The following MSI2 variants were observed in gnomAD, a reference collection of about 807,000 sequenced individuals.
MSI2 encodes RNA-binding protein Musashi homolog 2.
Under a neutral mutation model 45.6 loss-of-function variants are expected in MSI2, and 17 were observed. That is an observed-to-expected ratio of 0.37 (90% confidence interval 0.26 to 0.56). The LOEUF (loss-of-function observed/expected upper bound fraction) is 0.56. Ranked by LOEUF, MSI2 falls within the 20% of genes least tolerant of loss-of-function variation. The pLI is 0.77. For synonymous variants in MSI2, 156 were observed against 158.2 expected, an observed-to-expected ratio of 0.99 and a Z score of 0.11; for missense variants, 293 against 444.2, an observed-to-expected ratio of 0.66 and a Z score of 3.06.
intron 10 of MSI2, among the ~76,000 whole-genome samples, chr17:57,648,493 G>C (rs967960867): frequency 1.3e-5 from 2 of 152,210 alleles, no homozygotes; most frequent in Non-Finnish European, 2.9e-5. Flanking sequence ...ACAGGCTCCA[G>C]GTCTGCGTGC....
At chr17:57,450,022 C>G (rs1286557269) in intron 6 of MSI2, 1 of 152,058 alleles carries the variant, frequency 6.6e-6, no homozygotes, top group Non-Finnish European at 1.5e-5. Context: ...GAGACTCCAT[C>G]TCAAAAAACA....
At chr17:57,261,212 G>A (rs889561196) in intron 4 of MSI2, among the ~76,000 whole-genome samples, 1 of 152,154 alleles carries the variant, frequency 6.6e-6, no homozygotes, top group Non-Finnish European at 1.5e-5. Context: ...GTTCTGAGCT[G>A]TACAGCTAGA....
intron 5 of MSI2, among the ~76,000 whole-genome samples, chr17:57,296,513 C>T (rs571644387): frequency 6.6e-6 from 1 of 152,230 alleles, no homozygotes; most frequent in African/African-American, 2.4e-5. Flanking sequence ...TCAAAGATTG[C>T]TTTCTTTGAC....
intron 6 of MSI2, among the ~76,000 whole-genome samples, chr17:57,523,237 C>T (rs1262027442): frequency 2.6e-5 from 4 of 152,106 alleles, no homozygotes; most frequent in Non-Finnish European, 4.4e-5. Flanking sequence ...TTAGTAGAGA[C>T]GGGATTTCAC....
At chr17:57,413,082 A>C (rs2084226317) in intron 6 of MSI2, among the ~76,000 whole-genome samples, 1 of 152,336 alleles carries the variant, frequency 6.6e-6, no homozygotes, top group African/African-American at 2.4e-5. Context: ...TTGGAGACTC[A>C]GGTCCTCTGA....
At chr17:57,487,330 C>G (rs897731249) in intron 6 of MSI2, among the ~76,000 whole-genome samples, 1 of 152,218 alleles carries the variant, frequency 6.6e-6, no homozygotes, top group Non-Finnish European at 1.5e-5. Context: ...GTGCTCCATC[C>G]TAGTGGTACC....
intron 10 of MSI2, among the ~76,000 whole-genome samples, chr17:57,646,509 G>A (rs1910672644): frequency 6.6e-6 from 1 of 152,214 alleles, no homozygotes; most frequent in Non-Finnish European, 1.5e-5. Flanking sequence ...ACAAGCTCAA[G>A]CAAGGTCTGA....
At chr17:57,344,029 T>C (rs1915391876) in intron 5 of MSI2, among the ~76,000 whole-genome samples, 1 of 152,242 alleles carries the variant, frequency 6.6e-6, no homozygotes, top group South Asian at 2.1e-4. Context: ...ATAGTTACTA[T>C]GTTTTGTCTT....
rs1567958366 is a variant in MSI2, at chr17:57,648,164, TG to T, written c.728-3934del. ...GTGTGTGTGTGTGTGTGTGTGTGTG[TG>T]TGTGTGTGTGTGTGTGTTTGTAGTG... On this transcript the variant is annotated intron_variant, in intron 10 of 13. Coordinates refer to ENST00000284073, the MANE Select transcript of MSI2 (RefSeq NM_138962.4). Among the ~76,000 whole-genome samples the T allele has an allele frequency of 1.2e-3, 178 of 150,148 alleles. 1 individual carries two copies. Among genetic ancestry groups the T allele is most frequent in the Middle Eastern group, 0.01 (3 of 294 alleles).
At chr17:57,276,446 A>T (rs1298690374) in intron 5 of MSI2, among the ~76,000 whole-genome samples, 1 of 152,210 alleles carries the variant, frequency 6.6e-6, no homozygotes. Flanking sequence ...TTGCTTGATG[A>T]GGTAGCTTCA....
intron 5 of MSI2, among the ~76,000 whole-genome samples, chr17:57,379,323 G>A (rs780996339): frequency 7.6e-5 from 11 of 145,312 alleles, no homozygotes; most frequent in South Asian, 2.3e-4. Context: ...TTTCCCTCCC[G>A]CCCACCCTGG....
At chr17:57,326,717 G>T (rs1913825521) in intron 5 of MSI2, among the ~76,000 whole-genome samples, 1 of 152,204 alleles carries the variant, frequency 6.6e-6, no homozygotes, top group Non-Finnish European at 1.5e-5. Context: ...AGCCCTATGA[G>T]AAGTTACTTA....
rs1280974355 is a variant in MSI2, at chr17:57,465,861, T to C, written c.406-63815T>C. 2.0e-5 allele frequency among the ~76,000 whole-genome samples: 3 copies of C among 152,166 alleles called. No individual in the cohort carries two copies. In the East Asian group the frequency reaches 5.8e-4, roughly 29 times the overall value. On this transcript the variant is annotated intron_variant, in intron 6 of 13. Coordinates refer to ENST00000284073, the MANE Select transcript of MSI2 (RefSeq NM_138962.4). ...GAACATGAAGCTTTATTGCGATGCT[T>C]TTAGAGAACGTTAGCTCAGCTCTGA...
In MSI2 at chr17:57,529,330, G is replaced by A. The variant is rs984010291; in HGVS notation, c.406-346G>A. 7.2e-5 allele frequency among the ~76,000 whole-genome samples: 11 copies of A among 152,266 alleles called. No homozygotes were observed. In the East Asian group the frequency reaches 2.1e-3, roughly 29 times the overall value. On this transcript the variant is annotated intron_variant, in intron 6 of 13. Transcript: ENST00000284073. This position sits in a 1 kb window ranked among gnomAD's most constrained non-coding sequence, Gnocchi z 5.3. ...ACATGCCTGTAGTCCCAGCTACTCAGGAAGCTGAGGCAGGAGGATTGCTTG... is the reference window on the plus strand; with the variant it reads ...ACATGCCTGTAGTCCCAGCTACTCAAGAAGCTGAGGCAGGAGGATTGCTTG...
chr17:57,505,498 C>T (rs1355665893), intron 6 of MSI2, among the ~76,000 whole-genome samples: 1 of 152,158 alleles, frequency 6.6e-6, no homozygotes, highest in Non-Finnish European at 1.5e-5. Flanking sequence ...GGGGTGGGGT[C>T]TTCCAGACTT....
chr17:57,359,348 GAT>G (rs948440070), intron 5 of MSI2, among the ~76,000 whole-genome samples: 1 of 152,168 alleles, frequency 6.6e-6, no homozygotes, highest in Non-Finnish European at 1.5e-5. Context: ...CTACAAGGGA[GAT>G]AGAATAGGGT....
At position 57,529,227 on chromosome 17, in the gene MSI2, G is replaced by A. The variant is rs1395197271; in HGVS notation, c.406-449G>A. Among the ~76,000 whole-genome samples, 3 of 152,096 alleles carry A rather than the reference G, an allele frequency of 2.0e-5. No individual in the cohort carries two copies. The highest frequency in any genetic ancestry group is 4.4e-5 in the Non-Finnish European group (3 of 68,014). The stretch of plus-strand genomic sequence containing the variant: ...GCTGCAGGAGGATCACTTGAGCCCA[G>A]GAGTTCAAGACCAGTCTGAGCAACA... On this transcript the variant is annotated intron_variant, in intron 6 of 13. Coordinates refer to ENST00000284073, the MANE Select transcript of MSI2 (RefSeq NM_138962.4). The surrounding 1 kb of genome is among the most constrained non-coding windows in gnomAD (Gnocchi z 5.3).
intron 6 of MSI2, among the ~76,000 whole-genome samples, chr17:57,507,549 C>G (rs2086264076): frequency 6.6e-6 from 1 of 151,954 alleles, no homozygotes; most frequent in South Asian, 2.1e-4. Flanking sequence ...GACTTGTGGC[C>G]AAGATTGATT....
intron 5 of MSI2, among the ~76,000 whole-genome samples, chr17:57,355,269 T>G (rs1293110302): frequency 6.6e-6 from 1 of 152,224 alleles, no homozygotes; most frequent in Non-Finnish European, 1.5e-5. Context: ...ACATAGGAGC[T>G]TGGCAGCTCC....
Sources: allele counts gnomAD v4.1 joint callset (sites outside exome capture counted in the v4.1 genomes callset), GRCh38; gene constraint gnomAD v4.1.1; non-coding constraint Gnocchi (gnomAD v3.1); transcripts MANE v1.5; gene names NCBI Gene and HGNC (gene_info 2026-07-23, HGNC 2026-07-21).